LAP3: variants seen among roughly 807,000 people sequenced by gnomAD.
LAP3 encodes leucine aminopeptidase 3.
In LAP3, 46 loss-of-function variants were observed where a neutral mutation model predicts 58.8. The ratio of observed to expected loss-of-function variants is 0.78; its 90% CI spans 0.62 to 1.00. The LOEUF (loss-of-function observed/expected upper bound fraction) is 1.00, where lower values mean the gene tolerates loss of function less well. Among genes scored for constraint, LAP3 ranks in the 50% least tolerant of loss-of-function variants. LAP3 has a pLI of 0.00. For synonymous variants in LAP3, 257 were observed against 237.7 expected, an observed-to-expected ratio of 1.08 and a Z score of -0.75; for missense variants, 615 against 659.1, an observed-to-expected ratio of 0.93 and a Z score of 0.73.
Position 17,583,481 on chromosome 4 carries a change from A to G in LAP3, c.380-2A>G. On this transcript the variant is annotated splice_acceptor_variant, in intron 4 of 12. Coordinates refer to ENST00000226299, the MANE Select transcript of LAP3 (RefSeq NM_015907.3). LOFTEE classifies it high-confidence loss of function. ...GTTTTCTGATTCCTCTGTCTTTTCA[A>G]GCGGGGTGCAGGCAGATTCAAGACC... 1.9e-6 allele frequency: 3 copies of G among 1,613,510 alleles called. No individual in the cohort carries two copies. Among genetic ancestry groups the G allele is most frequent in the East Asian group, 2.2e-5 (1 of 44,876 alleles).
At chr4:17,597,668 A>G (rs1713864734) in intron 9 of LAP3, among the ~76,000 whole-genome samples, 1 of 152,220 alleles carries the variant, frequency 6.6e-6, no homozygotes, top group African/African-American at 2.4e-5. Context: ...TGTATGCTAT[A>G]CATGTGTATA....
Position 17,606,942 on chromosome 4 carries a change from T to C in LAP3, c.1370+4T>C, listed in dbSNP as rs748073314. 1.4e-5 allele frequency: 22 copies of C among 1,565,852 alleles called. No homozygotes were observed. The East Asian group carries it at 2.9e-4, about 21-fold the overall frequency. ...TTAACAACATTGGAAAATACAGGTA[T>C]GTAAGCTAAGCTAAATGTACATTTA... On this transcript the variant is annotated splice_donor_region_variant and intron_variant, in intron 12 of 12. Coordinates refer to ENST00000226299, the MANE Select transcript of LAP3 (RefSeq NM_015907.3).
At chr4:17,586,361 G>C (rs1713514715) in intron 6 of LAP3, 1 of 152,168 alleles carries the variant, frequency 6.6e-6, no homozygotes, top group South Asian at 2.1e-4. Context: ...AAGCATCTAT[G>C]GTTTAGACAG....
chr4:17,579,966 C>G (rs1250074718), intron 2 of LAP3, 27 bp downstream of exon 2: 2 of 1,246,844 alleles, frequency 1.6e-6, no homozygotes, highest in South Asian at 2.5e-5. Context: ...GGCTCTAGTT[C>G]TTAAAGTGCC....
At chr4:17,605,849 A>C (rs1450314623) in intron 11 of LAP3, among the ~76,000 whole-genome samples, 7 of 152,206 alleles carry the variant, frequency 4.6e-5, no homozygotes, top group Admixed American at 3.3e-4. Context: ...ATAAATCAAC[A>C]ATCAGCAGCC....
intron 9 of LAP3, among the ~76,000 whole-genome samples, chr4:17,597,376 AG>A (rs1257379109): frequency 1.3e-5 from 2 of 152,164 alleles, no homozygotes; most frequent in African/African-American, 4.8e-5. Context: ...CCCCAGGCTC[AG>A]GTGGTCCTCA....
intron 10 of LAP3, among the ~76,000 whole-genome samples, chr4:17,600,477 A>G (rs1229348339): frequency 1.3e-5 from 2 of 152,162 alleles, no homozygotes; most frequent in African/African-American, 4.8e-5. Context: ...ATCACAGAGG[A>G]TAGATACATC....
In LAP3 at chr4:17,596,370, G is replaced by A. The variant is rs184949077; in HGVS notation, c.989-676G>A. The stretch of plus-strand genomic sequence containing the variant: ...TTGGTTTTTTTTGAGATGGAGTTTC[G>A]CTCTTGTTGCCCAGGCTGGAGTGCA... On this transcript the variant is annotated intron_variant, in intron 8 of 12. Coordinates refer to ENST00000226299, the MANE Select transcript of LAP3 (RefSeq NM_015907.3). 1.6e-4 allele frequency among the ~76,000 whole-genome samples: 24 copies of A among 151,588 alleles called. No individual in the cohort carries two copies. The East Asian group carries it at 3.7e-3, about 23-fold the overall frequency.
chr4:17,583,667 G>A lies in LAP3; in HGVS notation c.539+25G>A, dbSNP rs201980267. ...GGTGATGGAAGCAAATTAGGAGGAG[G>A]GTGGTGCTCCCTGGCGTTCTGACAG... is the stretch of plus-strand genomic sequence containing the variant. On this transcript the variant is annotated intron_variant, in intron 5 of 12. Coordinates refer to ENST00000226299, the MANE Select transcript of LAP3 (RefSeq NM_015907.3). 19 of 1,613,376 alleles carry A rather than the reference G, an allele frequency of 1.2e-5. No homozygotes were observed. The East Asian group carries it at 4.0e-4, about 34-fold the overall frequency.
chr4:17,584,563 G>A (rs116183416), intron 5 of LAP3, among the ~76,000 whole-genome samples: 3 of 152,224 alleles, frequency 2.0e-5, no homozygotes, highest in African/African-American at 7.2e-5. Context: ...ATTGCCATAC[G>A]CTTGCTTTGC....
At chr4:17,596,496 T>C (rs2109022506) in intron 8 of LAP3, among the ~76,000 whole-genome samples, 1 of 152,202 alleles carries the variant, frequency 6.6e-6, no homozygotes, top group African/African-American at 2.4e-5. Context: ...TGCGCCACCA[T>C]GCCTGGTTAA....
intron 1 of LAP3, among the ~76,000 whole-genome samples, chr4:17,579,222 GTAAC>G (rs1446767051): frequency 1.3e-5 from 2 of 152,144 alleles, no homozygotes; most frequent in Non-Finnish European, 2.9e-5. Context: ...TCATATGGGG[GTAAC>G]TAACAGAAGA....
chr4:17,591,509 T>C (rs1713689504), intron 7 of LAP3, among the ~76,000 whole-genome samples: 1 of 152,178 alleles, frequency 6.6e-6, no homozygotes, highest in South Asian at 2.1e-4. Context: ...ATTGTTAATT[T>C]AAGTCCACAT....
chr4:17,586,234 A>G (rs1003710813), intron 6 of LAP3: 1 of 152,246 alleles, frequency 6.6e-6, no homozygotes, highest in East Asian at 1.9e-4. Context: ...AAAACAAATG[A>G]ACAGGTATTT....
rs906594148 is a variant in LAP3, at chr4:17,597,010, T to G, written c.989-36T>G. The G allele has an allele frequency of 2.5e-5, 40 of 1,601,824 alleles. No homozygotes were observed. The East Asian group carries it at 8.9e-4, about 36-fold the overall frequency. ...CCATAGGTGGCATGTTTGGACCCAG[T>G]ATATACTGTGTGCCTTCATATATTA... On this transcript the variant is annotated intron_variant, in intron 8 of 12. Transcript: ENST00000226299.
chr4:17,587,475 C>T (rs959236148), intron 6 of LAP3: 2 of 147,686 alleles, frequency 1.4e-5, no homozygotes, highest in African/African-American at 2.6e-5. Context: ...TTTCATCTTC[C>T]GATTTAAAAT....
intron 2 of LAP3, among the ~76,000 whole-genome samples, chr4:17,580,169 T>C (rs1320056565): frequency 3.0e-5 from 2 of 66,062 alleles, no homozygotes; most frequent in Non-Finnish European, 5.3e-5. Flanking sequence ...GGCTTTCATA[T>C]ATATATATAT....
intron 10 of LAP3, among the ~76,000 whole-genome samples, 200 bp downstream of exon 10, chr4:17,598,758 G>A (rs1197628522): frequency 1.0e-5 from 1 of 96,162 alleles, no homozygotes; most frequent in African/African-American, 3.0e-5. Flanking sequence ...ATTCCAAGCT[G>A]TACTTTTTTT....
intron 10 of LAP3, among the ~76,000 whole-genome samples, chr4:17,603,931 A>G (rs532372591): frequency 4.7e-5 from 7 of 149,758 alleles, no homozygotes; most frequent in African/African-American, 7.4e-5. Context: ...GGTTCAAGCA[A>G]TTCTCCCTAT....
Sources: gnomAD v4.1 joint callset for allele counts (sites outside exome capture counted in the v4.1 genomes callset) on GRCh38, gnomAD v4.1.1 for gene constraint, MANE v1.5 for transcripts, NCBI Gene and HGNC (gene_info 2026-07-23, HGNC 2026-07-21) for gene names.